The following GRIN2D variants were observed in gnomAD, a reference collection of about 807,000 sequenced individuals.
The protein encoded by GRIN2D is glutamate ionotropic receptor NMDA type subunit 2D, also known as glutamate receptor ionotropic, NMDA 2D.
GRIN2D carries 37 observed loss-of-function variants against 103.2 expected under a neutral mutation model. The observed-to-expected ratio is 0.36, with a 90% CI of 0.28 to 0.47. The LOEUF is 0.47. Ranked by LOEUF, GRIN2D falls within the 20% of genes least tolerant of loss-of-function variation. GRIN2D has a pLI of 1.00. For synonymous variants in GRIN2D, 845 were observed against 885.6 expected, an observed-to-expected ratio of 0.95 and a Z score of 0.81; for missense variants, 1,557 against 1,910.6, an observed-to-expected ratio of 0.81 and a Z score of 3.45.
intron 4 of GRIN2D, among the ~76,000 whole-genome samples, chr19:48,408,602 T>C (rs1415089858): frequency 6.6e-6 from 1 of 151,792 alleles, no homozygotes; most frequent in African/African-American, 2.4e-5. Flanking sequence ...GCGGATCACT[T>C]GAGGTCAGGA....
intron 11 of GRIN2D, among the ~76,000 whole-genome samples, chr19:48,428,323 C>A (rs986426937): frequency 6.6e-6 from 1 of 150,910 alleles, no homozygotes; most frequent in African/African-American, 2.4e-5. Flanking sequence ...AGGTGTGAAC[C>A]ACCGAACCCA....
At chr19:48,422,029 T>C (rs1600983719) in intron 11 of GRIN2D, 84 bp downstream of exon 11, 1 of 1,397,832 alleles carries the variant, frequency 7.2e-7, no homozygotes, top group East Asian at 2.3e-5. Context: ...TCCAGGTTCA[T>C]TCATTCAGTC....
chr19:48,423,725 AT>A (rs1214467027), intron 11 of GRIN2D, among the ~76,000 whole-genome samples: 2 of 152,212 alleles, frequency 1.3e-5, no homozygotes, highest in East Asian at 3.8e-4. Context: ...GATTCTGGGC[AT>A]GAGGCCAAGG....
At position 48,405,033 on chromosome 19, in the gene GRIN2D, C is replaced by T. The variant is rs1970769425; in HGVS notation, c.765C>T (p.Pro255=). Residue 255 remains proline (P), a synonymous_variant, in exon 4 of 14, where the codon CCC becomes CCT. Coordinates refer to ENST00000263269, the MANE Select transcript of GRIN2D (RefSeq NM_000836.4). This position sits in a 1 kb window ranked among gnomAD's most constrained non-coding sequence, Gnocchi z 5.1. The part of the protein sequence containing the change: ...LLFCAREEAE[P]VFRAAEEAGL... ...TCTGCGCCCGAGAGGAGGCCGAGCC[C>T]GTGTTCCGCGCAGCTGAGGAGGCTG... 1 of 1,611,576 alleles carries T rather than the reference C, an allele frequency of 6.2e-7. No homozygotes were observed. Among genetic ancestry groups the T allele is most frequent in the Non-Finnish European group, 8.5e-7 (1 of 1,179,024 alleles).
chr19:48,431,125 T>C (rs1971150902), intron 11 of GRIN2D, among the ~76,000 whole-genome samples: 1 of 152,170 alleles, frequency 6.6e-6, no homozygotes, highest in African/African-American at 2.4e-5. Flanking sequence ...GCCTTGTCAA[T>C]TTCATCTTAT....
chr19:48,432,952 A>G lies in GRIN2D; in HGVS notation c.2253-8817A>G, dbSNP rs187684284. On this transcript the variant is annotated intron_variant, in intron 11 of 13. Transcript: ENST00000263269. Reference sequence around the variant, plus strand: ...TCTACAGGCGCCCGCAACCATGCCCAGCTAATTTTTGTATTTTCAGTAGAG... The same window carrying G: ...TCTACAGGCGCCCGCAACCATGCCCGGCTAATTTTTGTATTTTCAGTAGAG... 1.5e-3 allele frequency among the ~76,000 whole-genome samples: 221 copies of G among 150,064 alleles called. 2 individuals carry two copies. Among genetic ancestry groups the G allele is most frequent in the African/African-American group, 4.7e-3 (192 of 41,030 alleles).
At chr19:48,417,788 A>G (rs1474219092) in intron 8 of GRIN2D, among the ~76,000 whole-genome samples, 8 of 152,136 alleles carry the variant, frequency 5.3e-5, no homozygotes, top group Non-Finnish European at 1.2e-4. Context: ...CCTTGCTGTG[A>G]CGGGGGCAGT....
At position 48,443,493 on chromosome 19, in the gene GRIN2D, G is replaced by T; in HGVS notation, c.3567G>T (p.Leu1189=). Reference sequence around the variant, plus strand: ...GGCACTGCGCCAGCCTGGAGCTGCTGCCGCCGCCGCGCCATCTCAGCTGCT... The same window carrying T: ...GGCACTGCGCCAGCCTGGAGCTGCTTCCGCCGCCGCGCCATCTCAGCTGCT... ...HCRHCASLEL[L]PPPRHLSCSH... Residue 1189 remains leucine (L), a synonymous_variant, in exon 14 of 14, where the codon CTG becomes CTT. Coordinates refer to ENST00000263269, the MANE Select transcript of GRIN2D (RefSeq NM_000836.4). The surrounding 1 kb of genome is among the most constrained non-coding windows in gnomAD (Gnocchi z 8.9). 1 of 1,357,184 alleles carries T rather than the reference G, an allele frequency of 7.4e-7. No homozygotes were observed. Among genetic ancestry groups the T allele is most frequent in the Non-Finnish European group, 9.5e-7 (1 of 1,055,496 alleles). The allele number at this position is 1,357,184 out of a possible 1,614,324, so 84.1% of individuals were successfully genotyped here.
intron 2 of GRIN2D, among the ~76,000 whole-genome samples, chr19:48,396,783 G>T (rs1051534178): frequency 6.6e-6 from 1 of 152,024 alleles, no homozygotes; most frequent in Admixed American, 6.6e-5. Context: ...CCCCCGCCCT[G>T]GCTGTCTGTG....
chr19:48,406,696 A>G (rs1970795797), intron 4 of GRIN2D, among the ~76,000 whole-genome samples: 1 of 152,228 alleles, frequency 6.6e-6, no homozygotes, highest in African/African-American at 2.4e-5. Flanking sequence ...GTCCTGTAAG[A>G]GTGGCAGACA....
At chr19:48,426,878 C>A (rs913516600) in intron 11 of GRIN2D, among the ~76,000 whole-genome samples, 1 of 152,086 alleles carries the variant, frequency 6.6e-6, no homozygotes, top group Non-Finnish European at 1.5e-5. Flanking sequence ...AGCCACCACA[C>A]CTTGGCCCAT....
intron 4 of GRIN2D, among the ~76,000 whole-genome samples, chr19:48,408,187 A>G (rs996090243): frequency 6.6e-6 from 1 of 151,792 alleles, no homozygotes; most frequent in Admixed American, 6.6e-5. Context: ...ACAAAAAATT[A>G]GCCAGGCGTG....
intron 2 of GRIN2D, among the ~76,000 whole-genome samples, chr19:48,396,621 G>A (rs886636301): frequency 3.9e-5 from 6 of 151,974 alleles, no homozygotes; most frequent in Non-Finnish European, 4.4e-5. Context: ...AAGGAGGAGC[G>A]AAGAGAAGCC....
At chr19:48,400,935 G>T (rs536178754) in intron 3 of GRIN2D, among the ~76,000 whole-genome samples, 1 of 151,932 alleles carries the variant, frequency 6.6e-6, no homozygotes, top group African/African-American at 2.4e-5. Context: ...GCATGGTGGC[G>T]CATGCCTGTA....
intron 11 of GRIN2D, among the ~76,000 whole-genome samples, chr19:48,437,831 G>A (rs1971248881): frequency 6.6e-6 from 1 of 152,216 alleles, no homozygotes; most frequent in African/African-American, 2.4e-5. Context: ...AGTGCCTGCA[G>A]GCAGTGGTGG....
intron 11 of GRIN2D, among the ~76,000 whole-genome samples, chr19:48,428,871 T>C (rs1235730084): frequency 6.6e-6 from 1 of 152,126 alleles, no homozygotes; most frequent in African/African-American, 2.4e-5. Flanking sequence ...GTGGGTATGA[T>C]TGGAAACATG....
chr19:48,395,108 C>T (rs1388301256), intron 2 of GRIN2D, among the ~76,000 whole-genome samples, 172 bp downstream of exon 2: 3 of 151,980 alleles, frequency 2.0e-5, no homozygotes, highest in Admixed American at 2.0e-4. Flanking sequence ...CACCCTCTCT[C>T]TCTCCCTCTC....
rs1970596146 is a variant in GRIN2D at position 48,393,913 on chromosome 19, G to T, written c.-306+45G>T. 1.3e-5 allele frequency among the ~76,000 whole-genome samples: 2 copies of T among 152,090 alleles called. No homozygotes were observed. Among genetic ancestry groups the T allele is most frequent in the Non-Finnish European group, 2.9e-5 (2 of 68,000 alleles). On this transcript the variant is annotated intron_variant, in intron 1 of 13. Coordinates refer to ENST00000263269, the MANE Select transcript of GRIN2D (RefSeq NM_000836.4). This position sits in a 1 kb window ranked among gnomAD's most constrained non-coding sequence, Gnocchi z 5.6. ...GGTGTCTGGGGCTGGCTGGTGGAGGGGGGGTGTGTCTGTAAGCGCTGCGGC... is the reference window on the plus strand; with the variant it reads ...GGTGTCTGGGGCTGGCTGGTGGAGGTGGGGTGTGTCTGTAAGCGCTGCGGC...
chr19:48,435,691 C>T (rs544772486), intron 11 of GRIN2D, among the ~76,000 whole-genome samples: 1 of 152,312 alleles, frequency 6.6e-6, no homozygotes, highest in African/African-American at 2.4e-5. Flanking sequence ...GAGATCCGTG[C>T]CCCGGGCGGC....
Sources: allele counts gnomAD v4.1 joint callset (sites outside exome capture counted in the v4.1 genomes callset), GRCh38; gene constraint gnomAD v4.1.1; non-coding constraint Gnocchi (gnomAD v3.1); transcripts MANE v1.5; gene names NCBI Gene and HGNC (gene_info 2026-07-23, HGNC 2026-07-21).